SLX4IP: variants seen among roughly 807,000 people sequenced by gnomAD.
SLX4IP encodes the protein protein SLX4IP.
A neutral mutation model predicts 32.9 loss-of-function variants in SLX4IP; 34 were observed. That is an observed-to-expected ratio of 1.03 (90% CI 0.79 to 1.38). The LOEUF (loss-of-function observed/expected upper bound fraction) is 1.38. Among genes scored for constraint, SLX4IP ranks in the 40% most tolerant of loss-of-function variants. SLX4IP has a pLI of 0.00. For missense variants in SLX4IP, 444 were observed against 479.0 expected (o/e 0.93, Z 0.68); for synonymous variants, 172 against 171.7 (o/e 1.00, Z -0.01).
intron 5 of SLX4IP, among the ~76,000 whole-genome samples, chr20:10,599,613 T>A (rs986503119): frequency 2.0e-5 from 3 of 151,594 alleles, no homozygotes; most frequent in African/African-American, 7.3e-5. Context: ...TTGCAGCTGG[T>A]CTCAAACTCC....
intron 2 of SLX4IP, among the ~76,000 whole-genome samples, chr20:10,467,879 C>T (rs1294490174): frequency 6.6e-6 from 1 of 152,132 alleles, no homozygotes; most frequent in African/African-American, 2.4e-5. Flanking sequence ...AGAGTTCTCT[C>T]TGCCTTTCTG....
intron 2 of SLX4IP, among the ~76,000 whole-genome samples, chr20:10,475,803 C>T (rs1353871117): frequency 6.6e-6 from 1 of 152,230 alleles, no homozygotes; most frequent in Non-Finnish European, 1.5e-5. Flanking sequence ...CATGGCTGCC[C>T]ATGCCCACCC....
intron 2 of SLX4IP, among the ~76,000 whole-genome samples, chr20:10,519,343 C>G (rs2065884680): frequency 6.6e-6 from 1 of 152,164 alleles, no homozygotes; most frequent in Non-Finnish European, 1.5e-5. Context: ...AAAGAAACCC[C>G]ATACTCGTCA....
At chr20:10,545,254 A>G (rs935142955) in intron 2 of SLX4IP, among the ~76,000 whole-genome samples, 3 of 152,172 alleles carry the variant, frequency 2.0e-5, no homozygotes, top group African/African-American at 4.8e-5. Flanking sequence ...CAGGCCTAGC[A>G]CTTGACTTTG....
chr20:10,490,214 T>C (rs369062030), intron 2 of SLX4IP, among the ~76,000 whole-genome samples: 3 of 151,862 alleles, frequency 2.0e-5, no homozygotes, highest in South Asian at 4.2e-4. Context: ...AGACTAAAAC[T>C]AACTTTGGAT....
chr20:10,616,875 C>T (rs2067040601), intron 6 of SLX4IP, among the ~76,000 whole-genome samples: 1 of 152,216 alleles, frequency 6.6e-6, no homozygotes, highest in Non-Finnish European at 1.5e-5. Flanking sequence ...GATAGGGGCT[C>T]TGTGAAACCA....
intron 2 of SLX4IP, among the ~76,000 whole-genome samples, chr20:10,517,031 G>T (rs913224636): frequency 6.6e-6 from 1 of 152,306 alleles, no homozygotes; most frequent in African/African-American, 2.4e-5. Flanking sequence ...TAATGTATTT[G>T]AATGAGCATG....
intron 2 of SLX4IP, among the ~76,000 whole-genome samples, chr20:10,484,138 A>G (rs1450021678): frequency 6.6e-6 from 1 of 152,148 alleles, no homozygotes; most frequent in Non-Finnish European, 1.5e-5. Context: ...AAGTAAATTT[A>G]TGTGCTTTTC....
chr20:10,577,233 A>G (rs144078428), intron 4 of SLX4IP, among the ~76,000 whole-genome samples: 1 of 152,324 alleles, frequency 6.6e-6, no homozygotes, highest in East Asian at 1.9e-4. Context: ...TTAGTAAAAT[A>G]CTAGTGTTTT....
intron 2 of SLX4IP, among the ~76,000 whole-genome samples, chr20:10,501,819 G>A (rs1265268959): frequency 1.3e-5 from 2 of 152,166 alleles, no homozygotes; most frequent in Non-Finnish European, 2.9e-5. Context: ...TTTCTTCCGA[G>A]ACGCAGACAA....
intron 2 of SLX4IP, among the ~76,000 whole-genome samples, chr20:10,523,493 T>C (rs2065916242): frequency 6.6e-6 from 1 of 152,244 alleles, no homozygotes; most frequent in African/African-American, 2.4e-5. Flanking sequence ...CATATGATTA[T>C]ATGGAAGAAG....
chr20:10,513,003 T>C (rs921700975), intron 2 of SLX4IP, among the ~76,000 whole-genome samples: 21 of 151,710 alleles, frequency 1.4e-4, no homozygotes, highest in African/African-American at 5.1e-4. Context: ...CCATGGTCAG[T>C]CATTTTTTGT....
intron 4 of SLX4IP, among the ~76,000 whole-genome samples, chr20:10,593,677 A>G (rs938145536): frequency 2.0e-5 from 3 of 152,208 alleles, no homozygotes; most frequent in African/African-American, 7.2e-5. Flanking sequence ...TTGAGGCTGC[A>G]GTGAATTGTG....
intron 4 of SLX4IP, among the ~76,000 whole-genome samples, chr20:10,574,682 A>G (rs768268312): frequency 6.6e-6 from 1 of 152,068 alleles, no homozygotes; most frequent in East Asian, 1.9e-4. Flanking sequence ...CTACTTTCCA[A>G]GACTTTTTTT....
chr20:10,620,716 G>A (rs142549230), intron 6 of SLX4IP, among the ~76,000 whole-genome samples: 3 of 152,156 alleles, frequency 2.0e-5, no homozygotes, highest in East Asian at 1.9e-4. Flanking sequence ...ACCACGTCCC[G>A]CTAGTTTTTT....
At chr20:10,599,990 A>G (rs2066821871) in intron 5 of SLX4IP, among the ~76,000 whole-genome samples, 1 of 152,186 alleles carries the variant, frequency 6.6e-6, no homozygotes, top group Non-Finnish European at 1.5e-5. Flanking sequence ...TAGAACTGAT[A>G]ATTTTGAATT....
At chr20:10,472,380 GC>G (rs1568696772) in intron 2 of SLX4IP, among the ~76,000 whole-genome samples, 1 of 151,956 alleles carries the variant, frequency 6.6e-6, no homozygotes, top group Non-Finnish European at 1.5e-5. Flanking sequence ...ACAGTCGCCT[GC>G]CACCACGCCC....
At chr20:10,496,094 A>T (rs1359289044) in intron 2 of SLX4IP, among the ~76,000 whole-genome samples, 1 of 151,318 alleles carries the variant, frequency 6.6e-6, no homozygotes, top group African/African-American at 2.4e-5. Context: ...ATGTATTTGG[A>T]CTTATTTCTA....
chr20:10,499,617 T>C (rs1420203260), intron 2 of SLX4IP, among the ~76,000 whole-genome samples: 1 of 152,200 alleles, frequency 6.6e-6, no homozygotes, highest in East Asian at 1.9e-4. Context: ...TAGTATTACC[T>C]ACAGACAAGA....
Sources: gnomAD v4.1 joint callset for allele counts (sites outside exome capture counted in the v4.1 genomes callset) on GRCh38, gnomAD v4.1.1 for gene constraint, MANE v1.5 for transcripts, NCBI Gene and HGNC (gene_info 2026-07-23, HGNC 2026-07-21) for gene names.